The following DLD variants were observed in gnomAD, a reference collection of about 807,000 sequenced individuals.
The protein encoded by DLD is dihydrolipoyl dehydrogenase, mitochondrial.
DLD carries 36 observed loss-of-function variants against 62.2 expected under a neutral mutation model. The ratio of observed to expected loss-of-function variants is 0.58; its 90% CI spans 0.44 to 0.76. The LOEUF is 0.76. Ranked by LOEUF, DLD falls within the 30% of genes least tolerant of loss-of-function variation. DLD has a pLI of 0.00. For missense variants in DLD, 541 were observed against 608.6 expected, an observed-to-expected ratio of 0.89 and a Z score of 1.17; for synonymous variants, 204 against 199.6, an observed-to-expected ratio of 1.02 and a Z score of -0.19.
intron 8 of DLD, among the ~76,000 whole-genome samples, chr7:107,909,067 T>G (rs78653409): frequency 6.6e-6 from 1 of 152,202 alleles, no homozygotes; most frequent in Non-Finnish European, 1.5e-5. Flanking sequence ...AGTATACTTC[T>G]TGTAATGTAA....
chr7:107,916,595 C>T (rs2032274525), intron 9 of DLD, among the ~76,000 whole-genome samples, 199 bp from the exon 10 acceptor site: 2 of 152,004 alleles, frequency 1.3e-5, no homozygotes, highest in Admixed American at 1.3e-4. Flanking sequence ...TCTCTGGAAC[C>T]TGGGAGGTGG....
rs569692761 is a variant in DLD, at chr7:107,893,249, T to C, written c.89T>C (p.Val30Ala). 8 of 1,613,502 alleles carry C rather than the reference T, an allele frequency of 5.0e-6. No homozygotes were observed. The Admixed American group carries it at 5.0e-5, about 10-fold the overall frequency. The change falls in exon 2 of 14, where the codon GTG becomes GCG. Residue 30 changes from valine to alanine, a missense_variant. Val to Ala is a moderately conservative substitution (Grantham distance 64, BLOSUM62 0). Transcript: ENST00000205402. ...ISHGLQGLSAVPLRTYADQPI... is the reference protein window; with the variant it reads ...ISHGLQGLSAAPLRTYADQPI... ...CATGGCCTACAGGGACTTTCTGCAG[T>C]GCCTCTGAGAACTTACGCAGATCAG...
chr7:107,896,337 G>A (rs1278103203), intron 2 of DLD, among the ~76,000 whole-genome samples: 1 of 152,150 alleles, frequency 6.6e-6, no homozygotes. Flanking sequence ...TGAGTTGCTA[G>A]TATGCACCTA....
chr7:107,912,337 A>G (rs554073964), intron 8 of DLD, among the ~76,000 whole-genome samples: 16 of 152,238 alleles, frequency 1.1e-4, no homozygotes, highest in African/African-American at 3.4e-4. Context: ...TCTTTTGGAT[A>G]TATACCCAGT....
intron 8 of DLD, among the ~76,000 whole-genome samples, chr7:107,910,963 C>G (rs959489741): frequency 6.6e-6 from 1 of 152,138 alleles, no homozygotes; most frequent in African/African-American, 2.4e-5. Flanking sequence ...ATGGTCCTTT[C>G]TTTTGTCTTG....
Position 107,915,493 on chromosome 7 carries a change from AATTT to A in DLD, c.685-8_685-5del, listed in dbSNP as rs2032245429. 1.2e-6 allele frequency: 2 copies of A among 1,613,168 alleles called. No homozygotes were observed. The highest frequency in any genetic ancestry group is 1.7e-6 in the Non-Finnish European group (2 of 1,179,574). On this transcript the variant is annotated splice_polypyrimidine_tract_variant and intron_variant, in intron 8 of 13. Transcript: ENST00000205402. The stretch of plus-strand genomic sequence containing the variant: ...ACTTTTATGATTATTGGGTTTTTTT[AATTT>A]ATTTGCAGGGTTCAGTTTGGCAAAG...
At chr7:107,901,262 T>C (rs2031868857) in intron 2 of DLD, among the ~76,000 whole-genome samples, 1 of 152,142 alleles carries the variant, frequency 6.6e-6, no homozygotes, top group Non-Finnish European at 1.5e-5. Flanking sequence ...CATCAATCAT[T>C]GAAGGCAGTG....
chr7:107,896,960 C>CG (rs1414894761), intron 2 of DLD, among the ~76,000 whole-genome samples: 3 of 151,798 alleles, frequency 2.0e-5, no homozygotes, highest in Non-Finnish European at 4.4e-5. Flanking sequence ...CTCAGCCTCC[C>CG]GAGTAGCTGG....
In DLD at chr7:107,920,192, CTG is replaced by C. The variant is rs2032374854; in HGVS notation, c.*937_*938del. The C allele has an allele frequency of 6.6e-6, 1 of 152,216 alleles. No homozygotes were observed. Among genetic ancestry groups the C allele is most frequent in the Non-Finnish European group, 1.5e-5 (1 of 68,012 alleles). 9.4% of individuals were successfully genotyped at this position (152,216 alleles called of 1,614,324 possible). On this transcript the variant is annotated 3_prime_UTR_variant, in exon 14 of 14. Transcript: ENST00000205402. Reference sequence around the variant, plus strand: ...AGTACAACATAAGGGAGTCTTTAATCTGTGTTTTCCTTGGCTGGGTTAATGAC... The same window carrying C: ...AGTACAACATAAGGGAGTCTTTAATCTGTTTTCCTTGGCTGGGTTAATGAC...
intron 1 of DLD, among the ~76,000 whole-genome samples, chr7:107,892,632 G>A (rs903230090): frequency 4.6e-5 from 7 of 152,016 alleles, no homozygotes; most frequent in Non-Finnish European, 1.0e-4. Context: ...TGCAACTTCC[G>A]CCTCCCGGGT....
At position 107,920,528 on chromosome 7, in the gene DLD, G is replaced by A. The variant is rs749460042; in HGVS notation, c.*1269G>A. On this transcript the variant is annotated 3_prime_UTR_variant, in exon 14 of 14. Coordinates refer to ENST00000205402, the MANE Select transcript of DLD (RefSeq NM_000108.5). Reference sequence around the variant, plus strand: ...TCTGTCTTGTTTGTAGGTGGCAGCAGCTGAAATCTCTTCTCAGTTGTTTTA... The same window carrying A: ...TCTGTCTTGTTTGTAGGTGGCAGCAACTGAAATCTCTTCTCAGTTGTTTTA... 2.0e-5 allele frequency: 3 copies of A among 152,258 alleles called. No individual in the cohort carries two copies. Among genetic ancestry groups the A allele is most frequent in the Non-Finnish European group, 4.4e-5 (3 of 68,050 alleles). The allele number at this position is 152,258 out of a possible 1,614,324, so 9.4% of individuals were successfully genotyped here. A position where few individuals can be genotyped will look rare whatever the true frequency, so the allele number is the denominator to read the frequency against.
intron 5 of DLD, 134 bp from the exon 6 acceptor site, chr7:107,904,824 G>A: frequency 1.4e-6 from 1 of 704,556 alleles, no homozygotes; most frequent in Admixed American, 2.0e-5. Flanking sequence ...ATAATTATAA[G>A]TTATTACATT....
At chr7:107,897,785 G>T (rs1480144190) in intron 2 of DLD, among the ~76,000 whole-genome samples, 1 of 151,912 alleles carries the variant, frequency 6.6e-6, no homozygotes, top group East Asian at 1.9e-4. Flanking sequence ...CACCATGTTG[G>T]CCTGGCTGGT....
Position 107,891,223 on chromosome 7 carries a change from T to C in DLD, c.-28T>C, listed in dbSNP as rs1219375577. Reference sequence around the variant, plus strand: ...GAGGCGCCCAGCGGAGGTGAAAGTATTGGCGGAAAGGAAAATACAGCGGAA... The same window carrying C: ...GAGGCGCCCAGCGGAGGTGAAAGTACTGGCGGAAAGGAAAATACAGCGGAA... On this transcript the variant is annotated 5_prime_UTR_variant, in exon 1 of 14. Transcript: ENST00000205402. 1.3e-5 allele frequency: 21 copies of C among 1,613,986 alleles called. No homozygotes were observed. Among genetic ancestry groups the C allele is most frequent in the Admixed American group, 1.7e-5 (1 of 60,014 alleles).
chr7:107,901,617 A>G (rs775121935), intron 2 of DLD, 121 bp from the exon 3 acceptor site: 2 of 792,926 alleles, frequency 2.5e-6, no homozygotes, highest in Non-Finnish European at 4.4e-6. Flanking sequence ...AACTATGTAG[A>G]AAATGCTGAT....
intron 9 of DLD, among the ~76,000 whole-genome samples, chr7:107,915,958 G>A (rs755057888): frequency 6.6e-6 from 1 of 152,010 alleles, no homozygotes; most frequent in African/African-American, 2.4e-5. Flanking sequence ...CCAATAATAA[G>A]TAAAATTGAA....
At chr7:107,895,518 ACATT>A (rs147991509) in intron 2 of DLD, among the ~76,000 whole-genome samples, 1,741 of 152,356 alleles carry the variant, frequency 0.011, 33 homozygotes, top group African/African-American at 0.04. Flanking sequence ...CACATTCACT[ACATT>A]CATTCATTCT....
At chr7:107,913,521 CT>C (rs2032193470) in intron 8 of DLD, among the ~76,000 whole-genome samples, 1 of 136,868 alleles carries the variant, frequency 7.3e-6, no homozygotes, top group Non-Finnish European at 1.6e-5. Context: ...TTTTTTTTTT[CT>C]TTTTTAGATT....
Position 107,893,211 on chromosome 7 carries a change from C to T in DLD, c.51C>T (p.Phe17=), listed in dbSNP as rs1378474879. Residue 17 remains phenylalanine, a synonymous_variant, in exon 2 of 14, where the codon TTC becomes TTT. Transcript: ENST00000205402. ...TTTTCTTTTTCTAGAGAGGCCATTT[C>T]AATCGAATATCTCATGGCCTACAGG... The part of the protein sequence containing the change: ...VYCSLAKRGH[F]NRISHGLQGL... 3.7e-6 allele frequency: 6 copies of T among 1,613,282 alleles called. No homozygotes were observed. Among genetic ancestry groups the T allele is most frequent in the Non-Finnish European group, 4.2e-6 (5 of 1,179,608 alleles).
Sources: allele counts gnomAD v4.1 joint callset (sites outside exome capture counted in the v4.1 genomes callset), GRCh38; gene constraint gnomAD v4.1.1; transcripts MANE v1.5; gene names NCBI Gene and HGNC (gene_info 2026-07-23, HGNC 2026-07-21).